FLCN: variants seen among roughly 807,000 people sequenced by gnomAD.
FLCN encodes the protein folliculin, also known as BHD skin lesion fibrofolliculoma protein.
Under a neutral mutation model 62.5 loss-of-function variants are expected in FLCN, and 22 were observed. That is an observed-to-expected ratio of 0.35 (90% CI 0.25 to 0.50). The LOEUF is 0.50. Among genes scored for constraint, FLCN ranks in the 20% least tolerant of loss-of-function variants. FLCN has a pLI of 0.97. For synonymous variants in FLCN, 319 were observed against 310.0 expected, an observed-to-expected ratio of 1.03 and a Z score of -0.30; for missense variants, 657 against 778.0, an observed-to-expected ratio of 0.84 and a Z score of 1.85.
At chr17:17,232,362 G>A (rs529981037) in intron 2 of FLCN, among the ~76,000 whole-genome samples, 3 of 152,296 alleles carry the variant, frequency 2.0e-5, no homozygotes, top group South Asian at 2.1e-4. Flanking sequence ...CACAGGAAGC[G>A]CCACATTCAC....
In FLCN at chr17:17,216,898, ACAT is replaced by A; in HGVS notation, c.1176+168_1176+170del. The A allele has an allele frequency of 1.5e-6, 1 of 674,508 alleles. No homozygotes were observed. The highest frequency in any genetic ancestry group is 1.6e-5 in the South Asian group (1 of 63,162). 41.8% of individuals were successfully genotyped at this position (674,508 alleles called of 1,614,324 possible). ...CACACGCATCCTTCTGATGATTTAA[ACAT>A]CATCAGACCAGACCCGGGTCTCCGT... On this transcript the variant is annotated intron_variant, in intron 10 of 13. Transcript: ENST00000285071. The surrounding 1 kb of genome is among the most constrained non-coding windows in gnomAD (Gnocchi z 4.0).
rs2144983314 is a variant in FLCN at position 17,224,139 on chromosome 17, C to T, written c.401G>A (p.Cys134Tyr). The T allele has an allele frequency of 6.3e-7, 1 of 1,585,656 alleles. No homozygotes were observed. The highest frequency in any genetic ancestry group is 8.6e-7 in the Non-Finnish European group (1 of 1,165,398). Reference sequence around the variant, plus strand: ...GAAGATGGGGCCTTCACGGCCAGGGCAGACCTGGAGGGACACCGGCGACTC... The same window carrying T: ...GAAGATGGGGCCTTCACGGCCAGGGTAGACCTGGAGGGACACCGGCGACTC... ...ACVRSLSCEV[C>Y]PGREGPIFFG... Residue 134 changes from cysteine (C) to tyrosine (Y), a missense_variant, in exon 6 of 14, where the codon TGC becomes TAC. Physicochemically the swap from Cys to Tyr is radical, Grantham distance 194. Transcript: ENST00000285071.
At chr17:17,228,739 G>A (rs942463555) in intron 3 of FLCN, 33 of 168,736 alleles carry the variant, frequency 2.0e-4, no homozygotes, top group African/African-American at 7.9e-4. Context: ...CCAAGCAAGA[G>A]TTGAAGGGCA....
chr17:17,218,386 C>CTTTTT (rs11464784), intron 9 of FLCN, among the ~76,000 whole-genome samples: 2 of 129,966 alleles, frequency 1.5e-5, no homozygotes, highest in Non-Finnish European at 1.6e-5. Context: ...CCATCACTTT[C>CTTTTT]TTTTTTTTTT....
Position 17,213,760 on chromosome 17 carries a change from GTCC to G in FLCN, c.1632_1634del (p.Glu544del), listed in dbSNP as rs1169650174. The G allele has an allele frequency of 1.9e-6, 3 of 1,614,130 alleles. No individual in the cohort carries two copies. The highest frequency in any genetic ancestry group is 1.3e-5 in the African/African-American group (1 of 74,946). On this transcript the variant is annotated inframe_deletion, in exon 14 of 14. Coordinates refer to ENST00000285071, the MANE Select transcript of FLCN (RefSeq NM_144997.7). ...TCCAGAACTTCAGCAGCTTGACATT[GTCC>G]TCCTCGGACGCACCCAGGATGCTCA...
intron 3 of FLCN, among the ~76,000 whole-genome samples, chr17:17,230,179 G>A (rs2047378691): frequency 6.6e-6 from 1 of 152,152 alleles, no homozygotes; most frequent in African/African-American, 2.4e-5. Context: ...TTGTCCATAC[G>A]GTGGCCACAG....
At chr17:17,235,064 C>G (rs1351142111) in intron 1 of FLCN, among the ~76,000 whole-genome samples, 3 of 146,694 alleles carry the variant, frequency 2.0e-5, no homozygotes, top group African/African-American at 7.6e-5. Flanking sequence ...GTGAGCTGAT[C>G]GCACCACTGC....
chr17:17,224,969 G>C (rs2047206832), intron 5 of FLCN: 1 of 152,756 alleles, frequency 6.5e-6, no homozygotes, highest in Non-Finnish European at 1.5e-5. Flanking sequence ...AAAAGGAGAG[G>C]ACAGTTGAGG....
At position 17,228,004 on chromosome 17, in the gene FLCN, G is replaced by A. The variant is rs556510460; in HGVS notation, c.134C>T (p.Ala45Val). The A allele has an allele frequency of 8.7e-6, 14 of 1,613,972 alleles. No homozygotes were observed. Among genetic ancestry groups the A allele is most frequent in the Middle Eastern group, 1.6e-4 (1 of 6,062 alleles). ...CTGAATGCCACCTTCCTCTTCTTCCGCCTGCTCACCCTGGCCAGGACTGTC... is the reference window on the plus strand; with the variant it reads ...CTGAATGCCACCTTCCTCTTCTTCCACCTGCTCACCCTGGCCAGGACTGTC... The part of the protein sequence containing the change: ...NEDSPGQGEQ[A>V]EEEEGGIQMN... The change falls in exon 4 of 14, where the codon GCG (alanine) becomes GTG (valine). Residue 45 changes from alanine (A) to valine (V), a missense_variant. Transcript: ENST00000285071.
Position 17,217,058 on chromosome 17 carries a change from G to A in FLCN, c.1176+11C>T. ...CCCTGCGCCGCACACCTAAGGAAAA[G>A]ATGTTCTCACCCGAAGTACTTCAAA... is the stretch of plus-strand genomic sequence containing the variant. On this transcript the variant is annotated intron_variant, in intron 10 of 13. Coordinates refer to ENST00000285071, the MANE Select transcript of FLCN (RefSeq NM_144997.7). The A allele has an allele frequency of 6.3e-7, 1 of 1,589,730 alleles. No homozygotes were observed. Among genetic ancestry groups the A allele is most frequent in the Non-Finnish European group, 8.6e-7 (1 of 1,157,950 alleles).
intron 4 of FLCN, 55 bp from the exon 5 acceptor site, chr17:17,226,377 C>T (rs529617932): frequency 1.2e-6 from 2 of 1,606,932 alleles, no homozygotes; most frequent in South Asian, 2.2e-5. Context: ...GCGACAAACT[C>T]TCTTAGGTTT....
rs2144971888 is a variant in FLCN, at chr17:17,223,945, C to T, written c.595G>A (p.Glu199Lys). 1.2e-6 allele frequency: 2 copies of T among 1,613,416 alleles called. No homozygotes were observed. The highest frequency in any genetic ancestry group is 1.7e-6 in the Non-Finnish European group (2 of 1,180,050). The change falls in exon 6 of 14, where the codon GAG (glutamate) becomes AAG (lysine). Residue 199 changes from glutamate to lysine, a missense_variant. Coordinates refer to ENST00000285071, the MANE Select transcript of FLCN (RefSeq NM_144997.7). ...LLGKVRGIID[E>K]LQGKALKVFE... is the part of the protein sequence containing the mutation. Reference sequence around the variant, plus strand: ...ACCTTGAGCGCCTTGCCCTGGAGCTCATCGATGATTCCCCGGACCTTCCCC... The same window carrying T: ...ACCTTGAGCGCCTTGCCCTGGAGCTTATCGATGATTCCCCGGACCTTCCCC...
intron 3 of FLCN, chr17:17,231,486 T>A (rs1453125310): frequency 6.6e-6 from 1 of 152,088 alleles, no homozygotes; most frequent in African/African-American, 2.4e-5. Context: ...TCAGACTTGC[T>A]TGGGACGATG....
At chr17:17,221,207 C>T (rs1162700853) in intron 8 of FLCN, 6 of 1,516,820 alleles carry the variant, frequency 4.0e-6, no homozygotes, top group South Asian at 3.7e-5. Flanking sequence ...GAGCAAAGAC[C>T]GTCGACCAGG....
intron 13 of FLCN, among the ~76,000 whole-genome samples, chr17:17,214,725 G>A (rs926772888): frequency 2.3e-4 from 35 of 152,248 alleles, no homozygotes; most frequent in African/African-American, 8.2e-4. Context: ...CTGTGAGCTT[G>A]GAGCCCTTGC....
At chr17:17,227,783 A>G in intron 4 of FLCN, 106 bp downstream of exon 4, 1 of 1,503,154 alleles carries the variant, frequency 6.7e-7, no homozygotes, top group Non-Finnish European at 9.2e-7. Flanking sequence ...GCCCCTGAGA[A>G]GCAGTCTGTG....
intron 8 of FLCN, chr17:17,219,934 G>A (rs4985755): frequency 0.028 from 4,294 of 152,356 alleles, 94 homozygotes; most frequent in African/African-American, 0.055. Context: ...CTGTCACCCA[G>A]ACAGTGAACC....
chr17:17,224,461 G>C, intron 5 of FLCN: 1 of 461,304 alleles, frequency 2.2e-6, no homozygotes, highest in Non-Finnish European at 4.0e-6. Context: ...TACTCACCTG[G>C]AGCATGCAGA....
rs772360950 is a variant in FLCN, at chr17:17,222,635, G to A, written c.645C>T (p.Cys215=). 6.2e-6 allele frequency: 10 copies of A among 1,614,082 alleles called. No individual in the cohort carries two copies. The African/African-American group carries it at 9.3e-5, about 15-fold the overall frequency. The change falls in exon 7 of 14, where the codon TGC becomes TGT. Residue 215 remains cysteine, a synonymous_variant. Transcript: ENST00000285071. ...TGTTCATCCTCTGAGCACGCTGTGG[G>A]CATCCAAACTGCTCTGCCTCAAACA... ...LKVFEAEQFG[C]PQRAQRMNTA...
Sources: gnomAD v4.1 joint callset for allele counts (sites outside exome capture counted in the v4.1 genomes callset) on GRCh38, gnomAD v4.1.1 for gene constraint, Gnocchi (gnomAD v3.1) non-coding constraint, MANE v1.5 for transcripts, NCBI Gene and HGNC (gene_info 2026-07-23, HGNC 2026-07-21) for gene names.